The following DPT variants were observed in gnomAD, a reference collection of about 807,000 sequenced individuals.
The protein encoded by DPT is dermatopontin, also known as tyrosine-rich acidic matrix protein.
In DPT, 21 loss-of-function variants were observed where a neutral mutation model predicts 31.2. That is an observed-to-expected ratio of 0.67 (90% confidence interval 0.48 to 0.97). The LOEUF is 0.97. Among genes scored for constraint, DPT ranks in the 50% least tolerant of loss-of-function variants. The probability of loss-of-function intolerance (pLI) is 0.00; values close to 1 mark genes in which losing one functional copy is unlikely to be tolerated. For synonymous variants in DPT, 91 were observed against 86.9 expected (o/e 1.05, Z -0.26); for missense variants, 262 against 258.8 (o/e 1.01, Z -0.08).
chr1:168,724,001 C>G (rs746062015), intron 1 of DPT, among the ~76,000 whole-genome samples: 1 of 152,180 alleles, frequency 6.6e-6, no homozygotes, highest in East Asian at 1.9e-4. Context: ...TAACACCAAA[C>G]TGATTTCATC....
intron 1 of DPT, among the ~76,000 whole-genome samples, chr1:168,722,284 G>A (rs1217153977): frequency 6.6e-6 from 1 of 152,114 alleles, no homozygotes; most frequent in Non-Finnish European, 1.5e-5. Flanking sequence ...CACTTATAAT[G>A]TACACATAAT....
At chr1:168,717,322 T>C (rs1650005411) in intron 1 of DPT, among the ~76,000 whole-genome samples, 1 of 152,256 alleles carries the variant, frequency 6.6e-6, no homozygotes. Context: ...TGAGCTTTTT[T>C]TCATATGTTT....
chr1:168,714,354 GAAGAC>G lies in DPT; in HGVS notation c.306-13_306-9del, dbSNP rs780617740. 10 of 1,613,970 alleles carry G rather than the reference GAAGAC, an allele frequency of 6.2e-6. No individual in the cohort carries two copies. The African/African-American group carries it at 1.3e-4, about 22-fold the overall frequency. On this transcript the variant is annotated splice_polypyrimidine_tract_variant and intron_variant, in intron 1 of 3. Transcript: ENST00000367817. ...TTGGAGCACGTCTGGTACCTGAAGA[GAAGAC>G]AACCCCAGGAACCTAAGAACAGTGA...
At chr1:168,696,836 T>C (rs775215749) in intron 3 of DPT, among the ~76,000 whole-genome samples, 5 of 152,194 alleles carry the variant, frequency 3.3e-5, no homozygotes, top group Non-Finnish European at 7.4e-5. Context: ...GGTCACTGGC[T>C]GTGTGGAGGC....
Position 168,715,424 on chromosome 1 carries a change from C to G in DPT, c.306-1078G>C, listed in dbSNP as rs951160627. On this transcript the variant is annotated intron_variant, in intron 1 of 3. Transcript: ENST00000367817. ...TCTTGCTACTTATCCAGGAATCTTT[C>G]CACCACCCACAAGACCATAAGCTCT... Among the ~76,000 whole-genome samples the G allele has an allele frequency of 2.0e-5, 3 of 151,594 alleles. No individual in the cohort carries two copies. In the South Asian group the frequency reaches 6.3e-4, roughly 32 times the overall value.
intron 2 of DPT, 141 bp downstream of exon 2, chr1:168,714,080 T>C: frequency 9.3e-7 from 1 of 1,080,708 alleles, no homozygotes; most frequent in Non-Finnish European, 1.3e-6. Context: ...TCCTCCTAAG[T>C]CATTCATTCA....
chr1:168,704,593 G>T (rs546557315), intron 2 of DPT, among the ~76,000 whole-genome samples: 2 of 146,894 alleles, frequency 1.4e-5, no homozygotes, highest in African/African-American at 5.4e-5. Flanking sequence ...TGTGTGTGTG[G>T]GGTGTGTGTG....
intron 2 of DPT, among the ~76,000 whole-genome samples, chr1:168,701,988 T>A (rs1026183997): frequency 3.4e-5 from 5 of 148,744 alleles, no homozygotes; most frequent in Non-Finnish European, 5.9e-5. Flanking sequence ...TCTCTTCCAA[T>A]ATTGAGTAAA....
At chr1:168,698,558 C>T (rs1649514862) in intron 3 of DPT, among the ~76,000 whole-genome samples, 1 of 152,088 alleles carries the variant, frequency 6.6e-6, no homozygotes, top group African/African-American at 2.4e-5. Context: ...CAAATGATTC[C>T]ACCAGGTTCA....
chr1:168,727,221 T>C (rs1557852817), intron 1 of DPT, among the ~76,000 whole-genome samples: 1 of 152,178 alleles, frequency 6.6e-6, no homozygotes, highest in Non-Finnish European at 1.5e-5. Context: ...TACAAACTCT[T>C]TGAAGCAAAG....
intron 1 of DPT, among the ~76,000 whole-genome samples, chr1:168,719,257 G>A (rs1333056294): frequency 6.6e-6 from 1 of 152,100 alleles, no homozygotes; most frequent in South Asian, 2.1e-4. Context: ...GCAGCTCCAT[G>A]ATGAGGGGGC....
chr1:168,705,721 T>A (rs1475551185), intron 2 of DPT, among the ~76,000 whole-genome samples: 1 of 152,228 alleles, frequency 6.6e-6, no homozygotes, highest in Non-Finnish European at 1.5e-5. Flanking sequence ...CATTCAAATG[T>A]CCTGTGACAT....
intron 1 of DPT, among the ~76,000 whole-genome samples, chr1:168,719,111 T>C (rs977433325): frequency 6.6e-6 from 1 of 152,170 alleles, no homozygotes; most frequent in Non-Finnish European, 1.5e-5. Flanking sequence ...GTGACCCGAC[T>C]ATGTCCCATT....
rs58691444 is a variant in DPT at position 168,720,799 on chromosome 1, G to T, written c.306-6453C>A. 7.3e-3 allele frequency among the ~76,000 whole-genome samples: 1,105 copies of T among 152,282 alleles called. 14 individuals are homozygous for T. The highest frequency in any genetic ancestry group is 0.026 in the African/African-American group (1,060 of 41,566). ...GATGAGGTCTTAAATAGTACCAAAA[G>T]AGTTTCTTTCTTTTAGAGTAAAGCT... On this transcript the variant is annotated intron_variant, in intron 1 of 3. Transcript: ENST00000367817.
intron 2 of DPT, among the ~76,000 whole-genome samples, chr1:168,713,103 C>A (rs1211125145): frequency 1.3e-5 from 2 of 152,166 alleles, no homozygotes; most frequent in African/African-American, 2.4e-5. Flanking sequence ...CCTTCTACCT[C>A]CTCCACTGCA....
intron 1 of DPT, among the ~76,000 whole-genome samples, chr1:168,723,012 T>C (rs553743): frequency 0.15 from 22,815 of 152,070 alleles, 2,668 homozygotes; most frequent in East Asian, 0.56. Context: ...CCAACAACCA[T>C]TTTTGCAGAG....
At chr1:168,699,417 C>T (rs775433893) in intron 3 of DPT, among the ~76,000 whole-genome samples, 5 of 152,082 alleles carry the variant, frequency 3.3e-5, no homozygotes, top group Non-Finnish European at 4.4e-5. Context: ...ACTCGTTTCC[C>T]TTTCTAATTT....
intron 2 of DPT, among the ~76,000 whole-genome samples, chr1:168,705,877 G>A (rs1649708207): frequency 6.6e-6 from 1 of 152,220 alleles, no homozygotes; most frequent in South Asian, 2.1e-4. Context: ...TCACATGAGA[G>A]CTGATGGTTT....
At chr1:168,714,762 A>G (rs1160535080) in intron 1 of DPT, among the ~76,000 whole-genome samples, 2 of 152,260 alleles carry the variant, frequency 1.3e-5, no homozygotes, top group African/African-American at 4.8e-5. Flanking sequence ...AGCACAACGT[A>G]TTGATGAATT....
Sources: gnomAD v4.1 joint callset for allele counts (sites outside exome capture counted in the v4.1 genomes callset) on GRCh38, gnomAD v4.1.1 for gene constraint, MANE v1.5 for transcripts, NCBI Gene and HGNC (gene_info 2026-07-23, HGNC 2026-07-21) for gene names.